The following GALNT14 variants were observed in gnomAD, a reference collection of about 807,000 sequenced individuals.
GALNT14 encodes polypeptide N-acetylgalactosaminyltransferase 14.
Under a neutral mutation model 77.5 loss-of-function variants are expected in GALNT14, and 60 were observed. The ratio of observed to expected loss-of-function variants is 0.77; its 90% CI spans 0.63 to 0.96. The LOEUF (loss-of-function observed/expected upper bound fraction) is 0.96. GALNT14 is among the 40% of genes least tolerant of loss of function. GALNT14 has a pLI of 0.00. For missense variants in GALNT14, 710 were observed against 731.0 expected (o/e 0.97, Z 0.33); for synonymous variants, 280 against 281.7 (o/e 0.99, Z 0.06).
intron 1 of GALNT14, among the ~76,000 whole-genome samples, chr2:31,130,383 G>A (rs943651105): frequency 6.6e-6 from 1 of 152,220 alleles, no homozygotes; most frequent in African/African-American, 2.4e-5. Context: ...CAGAGCAGAG[G>A]GCAGAGGGCC....
At chr2:30,901,661 ATGTG>A in the GALNT14 span, among the ~76,000 whole-genome samples, 1 of 151,970 alleles carries the variant, frequency 6.6e-6, no homozygotes, top group Admixed American at 6.6e-5. Flanking sequence ...ATGCTCATAT[ATGTG>A]TATGTATATA....
intron 1 of GALNT14, among the ~76,000 whole-genome samples, chr2:31,095,168 C>T (rs761966116): frequency 7.9e-5 from 12 of 152,258 alleles, no homozygotes; most frequent in East Asian, 1.9e-4. Context: ...GAAGACAACA[C>T]AGAGGTGAAT....
intron 1 of GALNT14, among the ~76,000 whole-genome samples, chr2:31,038,085 T>TATATATATATATATATATA (rs1491282655): frequency 1.1e-3 from 41 of 38,850 alleles, no homozygotes; most frequent in African/African-American, 1.8e-3. Flanking sequence ...TATATATATA[T>TATATATATATATATATATA]TTTTTTTTTT....
intron 1 of GALNT14, among the ~76,000 whole-genome samples, chr2:31,110,990 C>T (rs760064441): frequency 2.6e-5 from 4 of 152,144 alleles, no homozygotes; most frequent in Non-Finnish European, 5.9e-5. Context: ...CAATCAGGTA[C>T]CCCACTTGTA....
chr2:30,982,963 T>A (rs894399607), intron 2 of GALNT14, among the ~76,000 whole-genome samples: 4 of 152,166 alleles, frequency 2.6e-5, no homozygotes, highest in African/African-American at 9.7e-5. Context: ...TATTGTCTTC[T>A]CCACCCCTCC....
chr2:31,025,196 A>C (rs6708989), intron 1 of GALNT14, among the ~76,000 whole-genome samples: 1 of 151,972 alleles, frequency 6.6e-6, no homozygotes, highest in East Asian at 1.9e-4. Flanking sequence ...AGTTATCACT[A>C]TTATTCCTAT....
intron 1 of GALNT14, among the ~76,000 whole-genome samples, chr2:31,048,461 GCAAGACTCAGCCAAGAAGCCT>G (rs1197216591): frequency 1.3e-5 from 2 of 152,166 alleles, no homozygotes; most frequent in Admixed American, 6.5e-5. Flanking sequence ...TGGTGGGGTT[GCAAGACTCAGCCAAGAAGCCT>G]AAGGCTGGAA....
In GALNT14 at chr2:30,966,312, G is replaced by C; in HGVS notation, c.300-10C>G. ...CACCAGCAGTGTGCATCTGGGGAAG[G>C]AAAGGCACAGGGCAAGTGAGACCTT... On this transcript the variant is annotated splice_polypyrimidine_tract_variant and intron_variant, in intron 2 of 14. Coordinates refer to ENST00000349752, the MANE Select transcript of GALNT14 (RefSeq NM_024572.4). The C allele has an allele frequency of 6.2e-7, 1 of 1,600,192 alleles. No homozygotes were observed. Among genetic ancestry groups the C allele is most frequent in the Admixed American group, 1.7e-5 (1 of 59,982 alleles).
At chr2:30,928,741 C>T (rs1009741999) in intron 11 of GALNT14, among the ~76,000 whole-genome samples, 8 of 152,054 alleles carry the variant, frequency 5.3e-5, no homozygotes, top group African/African-American at 1.2e-4. Flanking sequence ...CTCAGCCTCC[C>T]GAATAGCTGG....
chr2:31,116,484 A>G (rs1034659936), intron 1 of GALNT14, among the ~76,000 whole-genome samples: 10 of 152,186 alleles, frequency 6.6e-5, no homozygotes, highest in African/African-American at 2.4e-4. Context: ...AGGACAGACG[A>G]TATTAACACC....
At chr2:31,134,753 C>T (rs1476144020) in intron 1 of GALNT14, among the ~76,000 whole-genome samples, 2 of 152,128 alleles carry the variant, frequency 1.3e-5, no homozygotes, top group Admixed American at 6.5e-5. Flanking sequence ...CTCTGGGAAG[C>T]GGGTGGGGAA....
chr2:30,935,783 C>A (rs1041903246), intron 9 of GALNT14, among the ~76,000 whole-genome samples: 1 of 152,094 alleles, frequency 6.6e-6, no homozygotes, highest in Non-Finnish European at 1.5e-5. Context: ...TCTGCTGAGA[C>A]CTTTGGGACA....
chr2:30,971,274 C>T (rs1045736999), intron 2 of GALNT14, among the ~76,000 whole-genome samples: 1 of 152,036 alleles, frequency 6.6e-6, no homozygotes, highest in African/African-American at 2.4e-5. Flanking sequence ...TGAGCTCTGG[C>T]GCCAGCAGAC....
chr2:31,073,488 G>T (rs546175285), intron 1 of GALNT14, among the ~76,000 whole-genome samples: 312 of 150,850 alleles, frequency 2.1e-3, no homozygotes, highest in Non-Finnish European at 2.8e-3. Context: ...AATAAAGAGG[G>T]GGGGGGAACA....
chr2:31,053,141 AT>A (rs574583017), intron 1 of GALNT14, among the ~76,000 whole-genome samples: 4 of 152,182 alleles, frequency 2.6e-5, no homozygotes, highest in Admixed American at 2.6e-4. Context: ...CTTGGGTGGC[AT>A]TTTTTGGACC....
chr2:31,012,767 GA>G (rs1193299614), intron 1 of GALNT14, among the ~76,000 whole-genome samples: 5 of 151,598 alleles, frequency 3.3e-5, no homozygotes, highest in Admixed American at 1.3e-4. Flanking sequence ...AACACAGTAT[GA>G]AAAAAAATCC....
intron 1 of GALNT14, among the ~76,000 whole-genome samples, chr2:31,126,333 T>C (rs932072867): frequency 1.3e-5 from 2 of 152,116 alleles, no homozygotes; most frequent in Non-Finnish European, 1.5e-5. Flanking sequence ...GGAAGGAAGC[T>C]TGGGGTGAGC....
chr2:30,893,952 C>T, the GALNT14 span, among the ~76,000 whole-genome samples: 1 of 151,996 alleles, frequency 6.6e-6, no homozygotes, highest in African/African-American at 2.4e-5. Context: ...ACATCTTGAG[C>T]TTCTCAGTTA....
At chr2:30,950,818 G>A (rs1435602836) in intron 6 of GALNT14, among the ~76,000 whole-genome samples, 3 of 152,208 alleles carry the variant, frequency 2.0e-5, no homozygotes, top group Non-Finnish European at 4.4e-5. Context: ...ATTCGGAAAC[G>A]AAGAGATGAA....
Sources: allele counts gnomAD v4.1 joint callset (sites outside exome capture counted in the v4.1 genomes callset), GRCh38; gene constraint gnomAD v4.1.1; transcripts MANE v1.5; gene names NCBI Gene and HGNC (gene_info 2026-07-23, HGNC 2026-07-21).